The following KIF25 variants were observed in gnomAD, a reference collection of about 807,000 sequenced individuals.
KIF25 encodes the protein kinesin family member 25.
KIF25 carries 19 observed loss-of-function variants against 32.9 expected under a neutral mutation model. The ratio of observed to expected loss-of-function variants is 0.58; its 90% CI spans 0.40 to 0.85. KIF25 has a LOEUF of 0.85. Among genes scored for constraint, KIF25 ranks in the 40% least tolerant of loss-of-function variants. KIF25 has a pLI of 0.00. For synonymous variants in KIF25, 225 were observed against 213.7 expected (o/e 1.05, Z -0.46); for missense variants, 485 against 507.0 (o/e 0.96, Z 0.42).
At chr6:168,031,237 G>T (rs1413244486) in intron 7 of KIF25, among the ~76,000 whole-genome samples, 1 of 152,220 alleles carries the variant, frequency 6.6e-6, no homozygotes, top group Non-Finnish European at 1.5e-5. Context: ...TTGGGAATCA[G>T]CCTTCTATTC....
In KIF25 at chr6:168,033,940, C is replaced by G. The variant is rs1306395721; in HGVS notation, c.226C>G (p.Leu76Val). 1 of 1,614,030 alleles carries G rather than the reference C, an allele frequency of 6.2e-7. No homozygotes were observed. The highest frequency in any genetic ancestry group is 1.1e-5 in the South Asian group (1 of 91,074). Residue 76 changes from leucine (L) to valine (V), a missense_variant, in exon 8 of 13, where the codon CTG (leucine) becomes GTG (valine). Transcript: ENST00000643607. ...QTGSGKSYTMLGRHSDDGPVL... is the reference protein window; with the variant it reads ...QTGSGKSYTMVGRHSDDGPVL... ...GGGCAGCGGAAAGAGCTATACCATG[C>G]TGGGACGCCATTCGGACGACGGCCC...
intron 12 of KIF25, among the ~76,000 whole-genome samples, chr6:168,044,161 CGGACCCAGGTGAGGGGTGCTAG>C: frequency 6.7e-6 from 1 of 150,056 alleles, no homozygotes; most frequent in East Asian, 2.0e-4. Flanking sequence ...CTGACCCTCC[CGGACCCAGGTGAGGGGTGCTAG>C]TGACCGGCTG....
At chr6:168,031,007 G>A (rs2257743) in intron 7 of KIF25, among the ~76,000 whole-genome samples, 160 bp downstream of exon 7, 22,247 of 152,112 alleles carry the variant, frequency 0.15, 1,863 homozygotes, top group East Asian at 0.3. Flanking sequence ...ACTTGCATCC[G>A]TGGAGACTAT....
In KIF25 at chr6:168,045,077, T is replaced by G; in HGVS notation, c.*81T>G. 1.5e-6 allele frequency: 2 copies of G among 1,377,238 alleles called. No homozygotes were observed. The highest frequency in any genetic ancestry group is 1.4e-5 in the South Asian group (1 of 69,596). 85.3% of individuals were successfully genotyped at this position (1,377,238 alleles called of 1,614,324 possible). A position where few individuals can be genotyped will look rare whatever the true frequency, so the allele number is the denominator to read the frequency against. ...CATATGTGCTTAGAAATAAACAGGT[T>G]TCACGTGGACTCAATAAACCTGGCT... On this transcript the variant is annotated 3_prime_UTR_variant, in exon 13 of 13. Coordinates refer to ENST00000643607, the MANE Select transcript of KIF25 (RefSeq NM_030615.4).
intron 10 of KIF25, among the ~76,000 whole-genome samples, chr6:168,040,545 G>A (rs895821701): frequency 3.3e-5 from 5 of 151,062 alleles, no homozygotes; most frequent in Admixed American, 2.0e-4. Flanking sequence ...CAACCTGTGC[G>A]ACAGAGCAAA....
rs1799032738 is a variant in KIF25, at chr6:168,036,887, C to G, written c.318-1666C>G. Among the ~76,000 whole-genome samples the G allele has an allele frequency of 3.9e-5, 6 of 152,244 alleles. No homozygotes were observed. In the South Asian group the frequency reaches 1.2e-3, roughly 32 times the overall value. On this transcript the variant is annotated intron_variant, in intron 8 of 12. Transcript: ENST00000643607. The stretch of plus-strand genomic sequence containing the variant: ...GACCAGCCTGGCCAACATGGCAAAA[C>G]CCCATCTCTACTAAAAATACAAAAA...
chr6:168,005,780 C>T (rs1465294268), intron 4 of KIF25, among the ~76,000 whole-genome samples: 10 of 152,192 alleles, frequency 6.6e-5, no homozygotes, highest in African/African-American at 1.2e-4. Flanking sequence ...TATTTGCTGG[C>T]GGCTGATTAG....
intron 8 of KIF25, among the ~76,000 whole-genome samples, chr6:168,034,763 G>C (rs903607097): frequency 6.6e-6 from 1 of 152,122 alleles, no homozygotes; most frequent in African/African-American, 2.4e-5. Flanking sequence ...CATGGCCTGC[G>C]AAGATGCTCC....
intron 5 of KIF25, among the ~76,000 whole-genome samples, chr6:168,027,159 A>G (rs1424003409): frequency 2.0e-5 from 3 of 152,156 alleles, no homozygotes; most frequent in African/African-American, 7.2e-5. Context: ...AGGCATAGAA[A>G]AAGGGAAAGG....
At chr6:168,005,667 C>T (rs777341106) in intron 4 of KIF25, among the ~76,000 whole-genome samples, 5 of 152,234 alleles carry the variant, frequency 3.3e-5, no homozygotes, top group African/African-American at 7.2e-5. Flanking sequence ...AGCTGAAGAA[C>T]TTGGAGTCCG....
chr6:168,036,047 C>T lies in KIF25; in HGVS notation c.317+2016C>T. On this transcript the variant is annotated intron_variant, in intron 8 of 12. Transcript: ENST00000643607. ...CAGTGCTGATATCAGAGATAGTTTA[C>T]AGGAACCCTTTACCCTGAAAAGGAC... 1.6e-5 allele frequency: 4 copies of T among 249,442 alleles called. No homozygotes were observed. The South Asian group carries it at 1.8e-4, about 11-fold the overall frequency. The allele number at this position is 249,442 out of a possible 1,614,324, so 15.5% of individuals were successfully genotyped here.
Position 168,041,970 on chromosome 6 carries a change from A to G in KIF25, c.648A>G (p.Ala216=). The G allele has an allele frequency of 6.4e-7, 1 of 1,551,420 alleles. No individual in the cohort carries two copies. The highest frequency in any genetic ancestry group is 8.7e-7 in the Non-Finnish European group (1 of 1,147,040). ...TCGTCGCTCCTTGGTCCCTTGCAGCAGACCAAGCCTGCAGTGCCACCCTCC... is the reference window on the plus strand; with the variant it reads ...TCGTCGCTCCTTGGTCCCTTGCAGCGGACCAAGCCTGCAGTGCCACCCTCC... The part of the protein sequence containing the change: ...LTTASCSDST[A]DQACSATLPR... Residue 216 remains alanine, a splice_region_variant and synonymous_variant, in exon 11 of 13, where the codon GCA becomes GCG. Coordinates refer to ENST00000643607, the MANE Select transcript of KIF25 (RefSeq NM_030615.4).
In KIF25 at chr6:168,042,033, C is replaced by A; in HGVS notation, c.711C>A (p.Ser237Arg). The change falls in exon 11 of 13, where the codon AGC becomes AGA. Residue 237 changes from serine (S) to arginine (R), a missense_variant. This residue lies in a region of KIF25 where 480 missense variants were observed against 470.3 expected (regional missense o/e 1.02). Coordinates refer to ENST00000643607, the MANE Select transcript of KIF25 (RefSeq NM_030615.4). Reference protein sequence around the residue: ...EQTEAGRAGRSRRASQGALAP... With the variant: ...EQTEAGRAGRRRRASQGALAP... Reference sequence around the variant, plus strand: ...CAGAGGCAGGAAGGGCAGGAAGGAGCCGCAGAGCTTCTCAAGGGGCCTTGG... The same window carrying A: ...CAGAGGCAGGAAGGGCAGGAAGGAGACGCAGAGCTTCTCAAGGGGCCTTGG... The A allele has an allele frequency of 6.4e-7, 1 of 1,551,466 alleles. No homozygotes were observed. The highest frequency in any genetic ancestry group is 8.7e-7 in the Non-Finnish European group (1 of 1,147,104).
intron 8 of KIF25, among the ~76,000 whole-genome samples, chr6:168,035,079 A>C (rs1276834217): frequency 8.6e-6 from 1 of 116,478 alleles, no homozygotes; most frequent in Non-Finnish European, 1.8e-5. Context: ...TGAGGTAGAA[A>C]AAACAAAGGC....
At chr6:168,007,197 G>C (rs552075755) in intron 4 of KIF25, among the ~76,000 whole-genome samples, 1 of 152,126 alleles carries the variant, frequency 6.6e-6, no homozygotes, top group Non-Finnish European at 1.5e-5. Context: ...GATCACCTGA[G>C]GCCAGGAGTT....
At chr6:168,022,640 G>A (rs575882721) in intron 5 of KIF25, among the ~76,000 whole-genome samples, 32 of 152,252 alleles carry the variant, frequency 2.1e-4, no homozygotes, top group African/African-American at 7.0e-4. Flanking sequence ...TCTGGTTCTT[G>A]TGGCGGCTGC....
intron 7 of KIF25, among the ~76,000 whole-genome samples, chr6:168,031,556 T>C (rs9355156): frequency 0.15 from 22,328 of 152,234 alleles, 1,865 homozygotes; most frequent in East Asian, 0.3. Flanking sequence ...CTCCTGCATC[T>C]GACCACGCAC....
intron 4 of KIF25, among the ~76,000 whole-genome samples, chr6:168,015,477 G>C (rs767138669): frequency 6.6e-6 from 1 of 152,198 alleles, no homozygotes; most frequent in Non-Finnish European, 1.5e-5. Context: ...TCTGAGCCAG[G>C]TGCTTTTCAC....
chr6:168,025,264 ATTC>A (rs1476891821), intron 5 of KIF25, among the ~76,000 whole-genome samples: 1 of 152,062 alleles, frequency 6.6e-6, no homozygotes, highest in East Asian at 1.9e-4. Context: ...TTCGTGATGA[ATTC>A]TTCTCAGTTT....
Sources: gnomAD v4.1 joint callset for allele counts (sites outside exome capture counted in the v4.1 genomes callset) on GRCh38, gnomAD v4.1.1 for gene constraint, gnomAD v4.1.1 regional missense constraint, MANE v1.5 for transcripts, NCBI Gene and HGNC (gene_info 2026-07-23, HGNC 2026-07-21) for gene names.